AATF: variants seen among roughly 807,000 people sequenced by gnomAD.
AATF encodes protein AATF.
A neutral mutation model predicts 63.7 loss-of-function variants in AATF; 48 were observed. The ratio of observed to expected loss-of-function variants is 0.75; its 90% confidence interval spans 0.60 to 0.96. The LOEUF (loss-of-function observed/expected upper bound fraction) is 0.96, where lower values mean the gene tolerates loss of function less well. AATF is among the 40% of genes least tolerant of loss of function. The probability of loss-of-function intolerance (pLI) is 0.00; values close to 1 mark genes in which losing one functional copy is unlikely to be tolerated. For missense variants in AATF, 639 were observed against 685.7 expected (o/e 0.93, Z 0.76); for synonymous variants, 258 against 247.7 (o/e 1.04, Z -0.39).
At chr17:37,041,579 C>G (rs940362461) in intron 11 of AATF, among the ~76,000 whole-genome samples, 1 of 152,118 alleles carries the variant, frequency 6.6e-6, no homozygotes, top group Non-Finnish European at 1.5e-5. Context: ...AATCTCGGCT[C>G]ACTGCAATGT....
At chr17:37,048,192 G>A (rs1398825517) in intron 11 of AATF, among the ~76,000 whole-genome samples, 1 of 151,984 alleles carries the variant, frequency 6.6e-6, no homozygotes, top group East Asian at 1.9e-4. Flanking sequence ...AGAGGAGAGT[G>A]AGGGAGAGTA....
At chr17:37,050,227 G>A (rs575583755) in intron 11 of AATF, among the ~76,000 whole-genome samples, 1 of 152,326 alleles carries the variant, frequency 6.6e-6, no homozygotes, top group Non-Finnish European at 1.5e-5. Context: ...GAGGAAGAAT[G>A]TTTGTGTGTC....
chr17:36,953,339 T>C (rs755558689), intron 3 of AATF, 43 bp downstream of exon 3: 2 of 1,581,122 alleles, frequency 1.3e-6, no homozygotes, highest in Non-Finnish European at 1.7e-6. Context: ...TCAAAGTATC[T>C]GCATTTGGTC....
intron 4 of AATF, among the ~76,000 whole-genome samples, chr17:36,959,020 C>T (rs1054199113): frequency 6.6e-6 from 1 of 152,054 alleles, no homozygotes; most frequent in Non-Finnish European, 1.5e-5. Context: ...GTGGCGGGCA[C>T]CTGTAATTCC....
intron 4 of AATF, among the ~76,000 whole-genome samples, chr17:36,955,847 C>T (rs569919646): frequency 5.3e-5 from 8 of 152,142 alleles, no homozygotes; most frequent in South Asian, 4.1e-4. Context: ...GTTGCAGCTT[C>T]GAACTCTTGG....
At chr17:36,952,788 C>A in intron 2 of AATF, 98 bp from the exon 3 acceptor site, 1 of 1,492,058 alleles carries the variant, frequency 6.7e-7, no homozygotes, top group South Asian at 1.4e-5. Flanking sequence ...GAGATTTTCC[C>A]CCTGATGCCA....
intron 8 of AATF, among the ~76,000 whole-genome samples, chr17:37,010,777 T>C (rs1420238743): frequency 1.3e-5 from 2 of 152,190 alleles, no homozygotes; most frequent in East Asian, 3.9e-4. Flanking sequence ...GGAAGCCTGT[T>C]CCCGCAGTGC....
In AATF at chr17:36,987,037, G is replaced by A. The variant is rs2071174272; in HGVS notation, c.947+306G>A. The stretch of plus-strand genomic sequence containing the variant: ...GGGTCTTACACTGTCATCCAGGCTG[G>A]AGTGCAGTGATGTGATCGCAGCTCA... On this transcript the variant is annotated intron_variant, in intron 5 of 11. Transcript: ENST00000619387. Among the ~76,000 whole-genome samples, 3 of 152,192 alleles carry A rather than the reference G, an allele frequency of 2.0e-5. No individual in the cohort carries two copies. The South Asian group carries it at 6.2e-4, about 32-fold the overall frequency.
chr17:37,018,337 G>A (rs561008603), intron 8 of AATF, among the ~76,000 whole-genome samples: 3 of 152,332 alleles, frequency 2.0e-5, no homozygotes, highest in Middle Eastern at 6.8e-3. Flanking sequence ...GGAGTTAATT[G>A]TATTGGATGA....
chr17:37,048,193 A>G (rs1351105235), intron 11 of AATF, among the ~76,000 whole-genome samples: 3 of 151,910 alleles, frequency 2.0e-5, no homozygotes, highest in Non-Finnish European at 4.4e-5. Context: ...GAGGAGAGTG[A>G]GGGAGAGTAA....
At chr17:37,011,600 A>G (rs1178118827) in intron 8 of AATF, among the ~76,000 whole-genome samples, 2 of 152,186 alleles carry the variant, frequency 1.3e-5, no homozygotes, top group Admixed American at 6.5e-5. Flanking sequence ...GAAGAAAATA[A>G]AGATTGGAAC....
At chr17:36,990,983 G>C (rs1597715902) in intron 8 of AATF, 126 bp downstream of exon 8, 1 of 575,188 alleles carries the variant, frequency 1.7e-6, no homozygotes, top group East Asian at 3.2e-5. Context: ...TAGAACTCCC[G>C]CGTTCAAAAT....
chr17:36,964,626 A>G (rs565985217), intron 4 of AATF, among the ~76,000 whole-genome samples: 1 of 152,312 alleles, frequency 6.6e-6, no homozygotes, highest in African/African-American at 2.4e-5. Context: ...TTTTTCAGTC[A>G]TGGCTCCTAG....
chr17:37,027,671 C>T (rs2071520700), intron 10 of AATF, among the ~76,000 whole-genome samples: 1 of 152,108 alleles, frequency 6.6e-6, no homozygotes, highest in Non-Finnish European at 1.5e-5. Context: ...ATTATTTCAA[C>T]AATTTACTAT....
intron 4 of AATF, among the ~76,000 whole-genome samples, chr17:36,983,465 A>C (rs2071142953): frequency 6.6e-6 from 1 of 152,234 alleles, no homozygotes; most frequent in Admixed American, 6.5e-5. Context: ...CTCCTGCCTC[A>C]GCCTCCCGAG....
rs144715863 is a variant in AATF at position 37,044,296 on chromosome 17, A to G, written c.1620-12305A>G. On this transcript the variant is annotated intron_variant, in intron 11 of 11. Coordinates refer to ENST00000619387, the MANE Select transcript of AATF (RefSeq NM_012138.4). ...CTAATTATTCATAGGTTAGGTCTCC[A>G]TGCTAAACCATTGCACCGCTTGAGG... Among the ~76,000 whole-genome samples the G allele has an allele frequency of 7.9e-4, 120 of 152,286 alleles. 1 individual carries two copies. The highest frequency in any genetic ancestry group is 2.8e-3 in the African/African-American group (115 of 41,550).
At chr17:37,018,098 C>G (rs1202684704) in intron 8 of AATF, among the ~76,000 whole-genome samples, 1 of 152,192 alleles carries the variant, frequency 6.6e-6, no homozygotes, top group African/African-American at 2.4e-5. Flanking sequence ...GAATTTTAAT[C>G]TCTGTTTCTC....
intron 8 of AATF, among the ~76,000 whole-genome samples, chr17:37,004,709 TG>T (rs1481433166): frequency 6.6e-6 from 1 of 152,030 alleles, no homozygotes; most frequent in Non-Finnish European, 1.5e-5. Context: ...AGTGATAAGA[TG>T]TAGGAGGATA....
At chr17:37,021,796 C>T (rs546515962) in intron 10 of AATF, among the ~76,000 whole-genome samples, 2 of 118,050 alleles carry the variant, frequency 1.7e-5, no homozygotes, top group African/African-American at 4.2e-5. Flanking sequence ...CAGAGCGAGA[C>T]TCCGTCTCAA....
Sources: gnomAD v4.1 joint callset for allele counts (sites outside exome capture counted in the v4.1 genomes callset) on GRCh38, gnomAD v4.1.1 for gene constraint, MANE v1.5 for transcripts, NCBI Gene and HGNC (gene_info 2026-07-23, HGNC 2026-07-21) for gene names.